Variants in ABI1 observed in about 807,000 individuals in gnomAD.
ABI1 encodes the protein abl interactor 1.
In ABI1, 14 loss-of-function variants were observed where a neutral mutation model predicts 54.6. The ratio of observed to expected loss-of-function variants is 0.26; its 90% CI spans 0.17 to 0.40. The LOEUF is 0.40. Among genes scored for constraint, ABI1 ranks in the 10% least tolerant of loss-of-function variants. The probability of loss-of-function intolerance (pLI) is 1.00; values close to 1 mark genes in which losing one functional copy is unlikely to be tolerated. For missense variants in ABI1, 443 were observed against 598.3 expected (o/e 0.74, Z 2.71); for synonymous variants, 194 against 209.3 (o/e 0.93, Z 0.63).
chr10:26,794,686 TG>T (rs1282761795), intron 2 of ABI1, among the ~76,000 whole-genome samples: 2 of 152,002 alleles, frequency 1.3e-5, no homozygotes, highest in African/African-American at 4.8e-5. Context: ...TTTTCAACAG[TG>T]TCTGGCATGT....
In ABI1 at chr10:26,755,623, ACT is replaced by A. The variant is rs753193623; in HGVS notation, c.1084+30_1084+31del. 9.1e-6 allele frequency: 14 copies of A among 1,542,474 alleles called. No homozygotes were observed. The African/African-American group carries it at 1.8e-4, about 20-fold the overall frequency. On this transcript the variant is annotated intron_variant, in intron 9 of 10. Coordinates refer to ENST00000376140, the MANE Select transcript of ABI1 (RefSeq NM_001012750.3). ...TGCATGCTATAAGGAGACAGCCTCTACTCTTCCATAGCTCAGTTTTTCCAAAC... is the reference window on the plus strand; with the variant it reads ...TGCATGCTATAAGGAGACAGCCTCTACTTCCATAGCTCAGTTTTTCCAAAC...
chr10:26,777,365 A>G (rs1288603459), intron 2 of ABI1, 124 bp from the exon 3 acceptor site: 13 of 632,588 alleles, frequency 2.1e-5, no homozygotes, highest in African/African-American at 3.7e-5. Flanking sequence ...TTTTCCAGTG[A>G]ATACTATTAA....
chr10:26,768,410 G>A (rs946954935), intron 6 of ABI1, among the ~76,000 whole-genome samples: 8 of 151,156 alleles, frequency 5.3e-5, no homozygotes, highest in South Asian at 2.1e-4. Context: ...TGGTGGCTCA[G>A]GCCTGTAATC....
At chr10:26,752,096 T>G (rs1214877633) in intron 9 of ABI1, among the ~76,000 whole-genome samples, 1 of 152,180 alleles carries the variant, frequency 6.6e-6, no homozygotes, top group African/African-American at 2.4e-5. Flanking sequence ...TCGGGACAAA[T>G]GTTAACAATC....
chr10:26,772,543 C>T (rs1326539903), intron 3 of ABI1, among the ~76,000 whole-genome samples: 1 of 152,098 alleles, frequency 6.6e-6, no homozygotes, highest in African/African-American at 2.4e-5. Flanking sequence ...AATGAAAATT[C>T]TACTTGAACT....
chr10:26,848,409 C>T (rs1055415197), intron 1 of ABI1, among the ~76,000 whole-genome samples: 1 of 151,614 alleles, frequency 6.6e-6, no homozygotes, highest in African/African-American at 2.4e-5. Context: ...ATTTTAAAAC[C>T]GCCTATGAAT....
chr10:26,787,845 A>G (rs188427769), intron 2 of ABI1, among the ~76,000 whole-genome samples: 10 of 151,914 alleles, frequency 6.6e-5, no homozygotes, highest in African/African-American at 2.4e-4. Context: ...CCCTATAGCA[A>G]TCCTTAGACC....
chr10:26,770,158 C>T (rs901118793), intron 5 of ABI1, 87 bp downstream of exon 5: 19 of 1,034,704 alleles, frequency 1.8e-5, no homozygotes, highest in Admixed American at 8.8e-5. Flanking sequence ...GGTAGTGTGG[C>T]ATGGATCCCA....
intron 2 of ABI1, among the ~76,000 whole-genome samples, chr10:26,787,565 C>T (rs1218575748): frequency 6.6e-6 from 1 of 150,978 alleles, no homozygotes; most frequent in Non-Finnish European, 1.5e-5. Flanking sequence ...CACAACCCTC[C>T]ATATGGCAGG....
intron 2 of ABI1, among the ~76,000 whole-genome samples, chr10:26,817,973 T>C (rs1222197759): frequency 2.7e-5 from 4 of 150,600 alleles, no homozygotes; most frequent in South Asian, 2.1e-4. Context: ...CTGGCCAGCA[T>C]GGTGAAATCC....
At chr10:26,826,505 T>A (rs1299438383) in intron 1 of ABI1, among the ~76,000 whole-genome samples, 1 of 152,186 alleles carries the variant, frequency 6.6e-6, no homozygotes, top group Admixed American at 6.5e-5. Flanking sequence ...GGATTCAACT[T>A]AAAGTCACCA....
chr10:26,850,003 T>C (rs886740032), intron 1 of ABI1, among the ~76,000 whole-genome samples: 3 of 152,236 alleles, frequency 2.0e-5, no homozygotes, highest in Admixed American at 6.5e-5. Flanking sequence ...AGTTTTGTTG[T>C]TGTATCAAAG....
intron 1 of ABI1, among the ~76,000 whole-genome samples, chr10:26,840,291 A>T (rs1204414020): frequency 6.6e-6 from 1 of 152,178 alleles, no homozygotes; most frequent in Non-Finnish European, 1.5e-5. Context: ...CTTCTTGCCA[A>T]GTGATCTCTG....
At chr10:26,827,172 C>A (rs1281518457) in intron 1 of ABI1, among the ~76,000 whole-genome samples, 1 of 151,998 alleles carries the variant, frequency 6.6e-6, no homozygotes, top group Non-Finnish European at 1.5e-5. Flanking sequence ...CTCGGCCTCC[C>A]AAAGTGCAAG....
chr10:26,770,508 T>C (rs776774616), intron 4 of ABI1, 163 bp from the exon 5 acceptor site: 2 of 784,456 alleles, frequency 2.5e-6, no homozygotes, highest in South Asian at 1.3e-5. Flanking sequence ...AGGAACCACT[T>C]GCACTTGGTC....
chr10:26,855,170 C>T (rs1005437756), intron 1 of ABI1, among the ~76,000 whole-genome samples: 2 of 151,334 alleles, frequency 1.3e-5, no homozygotes, highest in Non-Finnish European at 2.9e-5. Context: ...GATACTTAAC[C>T]TGTAGTTGAA....
At chr10:26,750,092 G>A (rs543791209) in intron 10 of ABI1, among the ~76,000 whole-genome samples, 4 of 152,224 alleles carry the variant, frequency 2.6e-5, no homozygotes, top group Non-Finnish European at 5.9e-5. Flanking sequence ...ACAATTCAAG[G>A]TCACTCAAGT....
Position 26,756,264 on chromosome 10 carries a change from T to G in ABI1, c.998-523A>C, listed in dbSNP as rs570308198. Among the ~76,000 whole-genome samples, 98 of 152,154 alleles carry G rather than the reference T, an allele frequency of 6.4e-4. 1 individual carries two copies. Among genetic ancestry groups the G allele is most frequent in the Non-Finnish European group, 1.1e-3 (77 of 68,008 alleles). ...TCAATAAAAATATTAATCACAGGTT[T>G]CCTTTAAAGACAGTTCTTATTATAT... is the stretch of plus-strand genomic sequence containing the variant. On this transcript the variant is annotated intron_variant, in intron 8 of 10. Coordinates refer to ENST00000376140, the MANE Select transcript of ABI1 (RefSeq NM_001012750.3).
At chr10:26,762,306 C>G (rs1033792182) in intron 7 of ABI1, among the ~76,000 whole-genome samples, 1 of 152,182 alleles carries the variant, frequency 6.6e-6, no homozygotes, top group African/African-American at 2.4e-5. Context: ...CTGTGCCCAG[C>G]CTTACAGCTT....
Sources: gnomAD v4.1 joint callset for allele counts (sites outside exome capture counted in the v4.1 genomes callset) on GRCh38, gnomAD v4.1.1 for gene constraint, MANE v1.5 for transcripts, NCBI Gene and HGNC (gene_info 2026-07-23, HGNC 2026-07-21) for gene names.